Variants in CAMKMT observed in about 807,000 individuals in gnomAD.
CAMKMT encodes CaM KMT.
CAMKMT carries 53 observed loss-of-function variants against 48.0 expected under a neutral mutation model. That is an observed-to-expected ratio of 1.10 (90% CI 0.89 to 1.39). CAMKMT has a LOEUF of 1.39. CAMKMT is among the 40% of genes most tolerant of loss of function. The pLI is 0.00. For synonymous variants in CAMKMT, 165 were observed against 152.3 expected, an observed-to-expected ratio of 1.08 and a Z score of -0.61; for missense variants, 428 against 402.7, an observed-to-expected ratio of 1.06 and a Z score of -0.54.
At chr2:44,552,895 T>C (rs189772491) in intron 3 of CAMKMT, among the ~76,000 whole-genome samples, 79 of 152,250 alleles carry the variant, frequency 5.2e-4, no homozygotes, top group African/African-American at 1.8e-3. Flanking sequence ...CTGATAATCT[T>C]TGGACAAATC....
At chr2:44,547,785 G>A (rs1312278011) in intron 3 of CAMKMT, among the ~76,000 whole-genome samples, 1 of 152,154 alleles carries the variant, frequency 6.6e-6, no homozygotes, top group Non-Finnish European at 1.5e-5. Context: ...CATAGGAGAA[G>A]TTCAAATAAC....
intron 3 of CAMKMT, among the ~76,000 whole-genome samples, chr2:44,574,825 C>G (rs948111305): frequency 6.6e-6 from 1 of 152,036 alleles, no homozygotes; most frequent in Admixed American, 6.5e-5. Context: ...ACAGCAACCT[C>G]CATCTCCCAG....
intron 3 of CAMKMT, among the ~76,000 whole-genome samples, chr2:44,542,401 T>G (rs1213043145): frequency 2.0e-5 from 3 of 151,598 alleles, no homozygotes; most frequent in Non-Finnish European, 4.4e-5. Context: ...TGCTAGGCAT[T>G]TGGGTGTTGC....
chr2:44,575,046 T>C (rs13425258), intron 3 of CAMKMT, among the ~76,000 whole-genome samples: 98,148 of 151,916 alleles, frequency 0.65, 32,190 homozygotes, highest in Admixed American at 0.71. Flanking sequence ...TGAGCCACCA[T>C]GCCTGGCCAT....
chr2:44,579,897 C>A (rs1275595415), intron 3 of CAMKMT, among the ~76,000 whole-genome samples: 1 of 87,214 alleles, frequency 1.1e-5, no homozygotes, highest in Non-Finnish European at 2.6e-5. Flanking sequence ...AAAGTGACTG[C>A]CATTTCTTTT....
chr2:44,590,759 G>T (rs1004532246), intron 3 of CAMKMT, among the ~76,000 whole-genome samples: 8 of 152,108 alleles, frequency 5.3e-5, no homozygotes, highest in African/African-American at 1.4e-4. Context: ...TTAGTTTAAT[G>T]AGATCCCATT....
intron 3 of CAMKMT, among the ~76,000 whole-genome samples, chr2:44,537,961 C>G (rs1666872918): frequency 6.6e-6 from 1 of 152,082 alleles, no homozygotes; most frequent in African/African-American, 2.4e-5. Context: ...GGGTATCTAC[C>G]CAACGGAAAA....
intron 3 of CAMKMT, among the ~76,000 whole-genome samples, chr2:44,462,385 G>T (rs1426946523): frequency 6.6e-6 from 1 of 151,906 alleles, no homozygotes; most frequent in Non-Finnish European, 1.5e-5. Flanking sequence ...TTTATAATGT[G>T]CATATGATTG....
chr2:44,686,974 C>A (rs1676372943), intron 3 of CAMKMT, among the ~76,000 whole-genome samples: 1 of 152,214 alleles, frequency 6.6e-6, no homozygotes, highest in African/African-American at 2.4e-5. Context: ...AAGCTTGCTG[C>A]ATGGTGATCA....
chr2:44,408,867 G>A (rs903545273), intron 3 of CAMKMT, among the ~76,000 whole-genome samples: 6 of 151,438 alleles, frequency 4.0e-5, no homozygotes, highest in Non-Finnish European at 1.5e-5. Flanking sequence ...CCAGCCTCCT[G>A]GGTAGCTGGG....
chr2:44,622,066 G>A (rs1672229467), intron 3 of CAMKMT, among the ~76,000 whole-genome samples: 1 of 152,192 alleles, frequency 6.6e-6, no homozygotes, highest in African/African-American at 2.4e-5. Flanking sequence ...AAGGCAGATA[G>A]TGGTTTAATT....
At chr2:44,527,175 C>A (rs971591588) in intron 3 of CAMKMT, among the ~76,000 whole-genome samples, 2 of 147,654 alleles carry the variant, frequency 1.4e-5, no homozygotes, top group Admixed American at 1.4e-4. Flanking sequence ...TGACTGCAGC[C>A]TTGACCTCCC....
intron 3 of CAMKMT, among the ~76,000 whole-genome samples, chr2:44,483,627 T>C: frequency 6.6e-6 from 1 of 152,154 alleles, no homozygotes; most frequent in South Asian, 2.1e-4. Context: ...CAAGAACATA[T>C]GAAGGCCATC....
chr2:44,395,724 G>A (rs1184897930), intron 3 of CAMKMT, among the ~76,000 whole-genome samples: 11 of 152,144 alleles, frequency 7.2e-5, no homozygotes, highest in Non-Finnish European at 1.2e-4. Context: ...CAAGTAAACT[G>A]TAAATAGTAT....
chr2:44,751,843 C>T (rs1256691842), intron 8 of CAMKMT, among the ~76,000 whole-genome samples: 1 of 152,144 alleles, frequency 6.6e-6, no homozygotes, highest in African/African-American at 2.4e-5. Context: ...TGGTGAAGAC[C>T]TCAGGAAGTT....
intron 3 of CAMKMT, among the ~76,000 whole-genome samples, chr2:44,647,407 G>A (rs946241152): frequency 1.3e-5 from 2 of 152,156 alleles, no homozygotes; most frequent in African/African-American, 4.8e-5. Context: ...ATAATGAAGT[G>A]CAGTGAACAA....
intron 3 of CAMKMT, chr2:44,549,677 C>T (rs139316251): frequency 3.5e-6 from 2 of 566,288 alleles, no homozygotes; most frequent in Non-Finnish European, 6.2e-6. Flanking sequence ...TTATGATACT[C>T]TTGCTTATTT....
At chr2:44,632,047 C>T (rs1252471972) in intron 3 of CAMKMT, among the ~76,000 whole-genome samples, 1 of 152,098 alleles carries the variant, frequency 6.6e-6, no homozygotes, top group Non-Finnish European at 1.5e-5. Context: ...CCTCACAATA[C>T]ACTGGCATTA....
intron 3 of CAMKMT, among the ~76,000 whole-genome samples, chr2:44,533,948 C>T (rs991710669): frequency 6.6e-6 from 1 of 152,118 alleles, no homozygotes; most frequent in Non-Finnish European, 1.5e-5. Context: ...GAATGAATTA[C>T]AAAACATTAC....
Sources: allele counts gnomAD v4.1 joint callset (sites outside exome capture counted in the v4.1 genomes callset), GRCh38; gene constraint gnomAD v4.1.1; transcripts MANE v1.5; gene names NCBI Gene and HGNC (gene_info 2026-07-23, HGNC 2026-07-21).